ASMTL: variants seen among roughly 807,000 people sequenced by gnomAD.
The protein encoded by ASMTL is acetylserotonin O-methyltransferase like, also known as probable bifunctional dTTP/UTP pyrophosphatase/methyltransferase protein.
In ASMTL, 57 loss-of-function variants were observed where a neutral mutation model predicts 60.3. The observed-to-expected ratio is 0.95, with a 90% CI of 0.76 to 1.18. The LOEUF is 1.18. Among genes scored for constraint, ASMTL ranks in the 50% most tolerant of loss-of-function variants. The pLI is 0.00. For synonymous variants in ASMTL, 419 were observed against 373.0 expected (o/e 1.12, Z -1.42); for missense variants, 981 against 852.6 (o/e 1.15, Z -1.88).
chrX:1,453,308 A>ACC (rs1569535429), upstream of ASMTL, among the ~76,000 whole-genome samples: 29 of 144,602 alleles, frequency 2.0e-4, no homozygotes, highest in East Asian at 5.5e-3. Context: ...GCCGCCATTG[A>ACC]GCTCCCCGTG....
Position 1,442,197 on chromosome X carries a change from G to A in ASMTL, c.214C>T (p.Arg72Trp), listed in dbSNP as rs780650805. 24 of 1,613,522 alleles carry A rather than the reference G, an allele frequency of 1.5e-5. No homozygotes were observed. The South Asian group carries it at 1.5e-4, about 10-fold the overall frequency. Residue 72 changes from arginine (R) to tryptophan (W), a missense_variant, in exon 2 of 13, where the codon CGG becomes TGG. Arg to Trp is a moderately radical substitution (Grantham distance 101). Transcript: ENST00000381317. ...CAGGGGCCCCTTGCCTGGTACAGCCGGTTGGCCACCTCCAGGGCCTTCTGC... is the reference window on the plus strand; with the variant it reads ...CAGGGGCCCCTTGCCTGGTACAGCCAGTTGGCCACCTCCAGGGCCTTCTGC... ...AKQKALEVAN[R>W]LYQKDLRAPD...
intron 8 of ASMTL, among the ~76,000 whole-genome samples, chrX:1,424,152 CCAAT>C (rs1293956228): frequency 1.3e-5 from 2 of 148,880 alleles, no homozygotes; most frequent in Middle Eastern, 7.2e-3. Flanking sequence ...CCCCACCCAT[CCAAT>C]CACTCATCCA....
Position 1,446,742 on chromosome X carries a change from G to A in ASMTL, c.94-4425C>T, listed in dbSNP as rs776151314. 3.3e-5 allele frequency among the ~76,000 whole-genome samples: 5 copies of A among 152,056 alleles called. No individual in the cohort carries two copies. In the South Asian group the frequency reaches 6.2e-4, roughly 19 times the overall value. Reference sequence around the variant, plus strand: ...TCTCGATCTCCTGACCTCGTGATCCGCCAACCTCGGCCTCCCAAACTGCTG... The same window carrying A: ...TCTCGATCTCCTGACCTCGTGATCCACCAACCTCGGCCTCCCAAACTGCTG... On this transcript the variant is annotated intron_variant, in intron 1 of 12. Transcript: ENST00000381317.
chrX:1,425,540 C>T lies in ASMTL; in HGVS notation c.1045G>A (p.Glu349Lys), dbSNP rs1489606795. Residue 349 changes from glutamate (E) to lysine (K), a missense_variant, in exon 8 of 13, where the codon GAG becomes AAG. Coordinates refer to ENST00000381317, the MANE Select transcript of ASMTL (RefSeq NM_004192.4). The stretch of plus-strand genomic sequence containing the variant: ...GTCCTGTCACCTTGCTCTGTCTTCT[C>T]CAGGAGCCCCATGGCAGCACAGATG... Reference protein sequence around the residue: ...LDICAAMGLLEKTEQGYSNTE... With the variant: ...LDICAAMGLLKKTEQGYSNTE... The T allele has an allele frequency of 6.2e-7, 1 of 1,612,842 alleles. No homozygotes were observed. Among genetic ancestry groups the T allele is most frequent in the African/African-American group, 1.3e-5 (1 of 74,920 alleles).
At chrX:1,420,361 CTT>C in intron 9 of ASMTL, among the ~76,000 whole-genome samples, 1 of 151,400 alleles carries the variant, frequency 6.6e-6, no homozygotes, top group African/African-American at 2.4e-5. Flanking sequence ...CTCCCTCTAT[CTT>C]TCTGTCTGCC....
At chrX:1,415,095 C>T (rs1241514751) in intron 11 of ASMTL, among the ~76,000 whole-genome samples, 1 of 150,314 alleles carries the variant, frequency 6.7e-6, no homozygotes, top group African/African-American at 2.4e-5. Flanking sequence ...CACCCGCCAC[C>T]ATGCCTGGCT....
intron 9 of ASMTL, among the ~76,000 whole-genome samples, chrX:1,420,393 C>G (rs1434007549): frequency 6.6e-6 from 1 of 152,200 alleles, no homozygotes; most frequent in Non-Finnish European, 1.5e-5. Flanking sequence ...CTCTGTGTCT[C>G]CCTGTCTGTA....
intron 9 of ASMTL, among the ~76,000 whole-genome samples, chrX:1,420,618 C>G (rs1239497122): frequency 6.6e-6 from 1 of 152,214 alleles, no homozygotes; most frequent in Non-Finnish European, 1.5e-5. Context: ...ACAGGCCCCA[C>G]GGACCCCACC....
chrX:1,422,948 CTTTTAATT>C (rs1338841362), intron 8 of ASMTL, among the ~76,000 whole-genome samples: 13 of 151,982 alleles, frequency 8.6e-5, no homozygotes, highest in African/African-American at 3.1e-4. Context: ...TATTTTCTTT[CTTTTAATT>C]TTTTAATTTT....
chrX:1,442,077 C>T, intron 2 of ASMTL, 109 bp downstream of exon 2: 1 of 1,318,264 alleles, frequency 7.6e-7, no homozygotes, highest in Admixed American at 2.0e-5. Context: ...GTGCCACCAA[C>T]TGCATCTTTT....
At chrX:1,451,534 A>ATGCCT in intron 1 of ASMTL, among the ~76,000 whole-genome samples, 1 of 109,664 alleles carries the variant, frequency 9.1e-6, no homozygotes, top group Non-Finnish European at 1.9e-5. Context: ...CCCCATCCCT[A>ATGCCT]GGGGGTCCCA....
chrX:1,442,092 G>A, intron 2 of ASMTL, 94 bp downstream of exon 2: 2 of 1,439,724 alleles, frequency 1.4e-6, no homozygotes, highest in Non-Finnish European at 1.9e-6. Context: ...TCTTTTGAAT[G>A]ACGTTTATTT....
At chrX:1,441,858 A>C (rs762358887) in intron 2 of ASMTL, 19 of 292,552 alleles carry the variant, frequency 6.5e-5, no homozygotes, top group Middle Eastern at 1.0e-3. Context: ...TGTATATCAT[A>C]AATGATACTG....
intron 1 of ASMTL, among the ~76,000 whole-genome samples, chrX:1,448,608 G>A (rs2091283080): frequency 6.8e-6 from 1 of 147,172 alleles, no homozygotes; most frequent in African/African-American, 2.5e-5. Flanking sequence ...CGGCCATCTT[G>A]GATAAGCACC....
intron 1 of ASMTL, among the ~76,000 whole-genome samples, chrX:1,451,074 G>A (rs1186180794): frequency 5.4e-5 from 8 of 147,030 alleles, no homozygotes; most frequent in African/African-American, 1.8e-4. Context: ...CATACCTAGG[G>A]ATTCCGGATC....
chrX:1,432,207 C>A (rs1345901453), intron 6 of ASMTL, 62 bp downstream of exon 6: 4 of 1,316,616 alleles, frequency 3.0e-6, no homozygotes. Flanking sequence ...GGACACCCCA[C>A]GTGTGAGGGT....
chrX:1,428,666 T>TAAATAAATAAATAAATAAAA (rs1416455837), intron 6 of ASMTL, among the ~76,000 whole-genome samples: 1 of 150,556 alleles, frequency 6.6e-6, no homozygotes, highest in African/African-American at 2.4e-5. Flanking sequence ...AATAAATAAA[T>TAAATAAATAAATAAATAAAA]AAAATTTCAT....
At position 1,427,984 on chromosome X, in the gene ASMTL, C is replaced by A. The variant is rs1472476331; in HGVS notation, c.647G>T (p.Arg216Leu). 1 of 1,613,260 alleles carries A rather than the reference C, an allele frequency of 6.2e-7. No individual in the cohort carries two copies. Among genetic ancestry groups the A allele is most frequent in the East Asian group, 2.2e-5 (1 of 44,874 alleles). ...GACACTCCGCCGCAGGTCCTCCGGA[C>A]GGGGCGGGTAGTAGAGCTTCACCAG... is the stretch of plus-strand genomic sequence containing the variant. ...KQLVKLYYPP[R>L]PEDLRRSVKH... Residue 216 changes from arginine (R) to leucine (L), a missense_variant, in exon 7 of 13, where the codon CGT becomes CTT. Coordinates refer to ENST00000381317, the MANE Select transcript of ASMTL (RefSeq NM_004192.4).
chrX:1,415,852 ACACAGG>A lies in ASMTL; in HGVS notation c.1522+2115_1522+2120del, dbSNP rs1313939895. ...CAGACCCACGGACGCACAGACACAG[ACACAGG>A]CACACACACATATACCCATCCAGAT... On this transcript the variant is annotated intron_variant, in intron 11 of 12. Transcript: ENST00000381317. Among the ~76,000 whole-genome samples, 570 of 152,270 alleles carry A rather than the reference ACACAGG, an allele frequency of 3.7e-3. 10 individuals are homozygous for A. The highest frequency in any genetic ancestry group is 0.013 in the African/African-American group (548 of 41,540).
Sources: allele counts gnomAD v4.1 joint callset (sites outside exome capture counted in the v4.1 genomes callset), GRCh38; gene constraint gnomAD v4.1.1; transcripts MANE v1.5; gene names NCBI Gene and HGNC (gene_info 2026-07-23, HGNC 2026-07-21).